Variants in TPP2 observed in about 807,000 individuals in gnomAD.
TPP2 encodes the protein tripeptidyl-peptidase 2.
In TPP2, 34 loss-of-function variants were observed where a neutral mutation model predicts 155.9. The observed-to-expected ratio is 0.22, with a 90% CI of 0.17 to 0.29. TPP2 has a LOEUF of 0.29. Among genes scored for constraint, TPP2 ranks in the 10% least tolerant of loss-of-function variants. TPP2 has a pLI of 1.00. For synonymous variants in TPP2, 510 were observed against 529.4 expected (o/e 0.96, Z 0.50); for missense variants, 1,028 against 1,522.3 (o/e 0.68, Z 5.40).
intron 16 of TPP2, among the ~76,000 whole-genome samples, chr13:102,640,945 C>T (rs572512379): frequency 1.3e-4 from 20 of 152,186 alleles, no homozygotes; most frequent in African/African-American, 4.8e-4. Context: ...CAACTGTGCC[C>T]GGCCTAATTT....
chr13:102,608,874 C>T (rs1287467914), intron 2 of TPP2, among the ~76,000 whole-genome samples: 1 of 152,076 alleles, frequency 6.6e-6, no homozygotes, highest in Non-Finnish European at 1.5e-5. Flanking sequence ...CCCTAGCTGT[C>T]TTATTTTAGC....
At chr13:102,643,506 C>A in intron 17 of TPP2, 130 bp downstream of exon 17, 1 of 941,584 alleles carries the variant, frequency 1.1e-6, no homozygotes, top group Non-Finnish European at 1.4e-6. Flanking sequence ...TTTTTAATGC[C>A]AAAAAAATGA....
At chr13:102,649,657 T>C (rs1883363189) in intron 23 of TPP2, among the ~76,000 whole-genome samples, 171 bp downstream of exon 23, 1 of 152,152 alleles carries the variant, frequency 6.6e-6, no homozygotes, top group Non-Finnish European at 1.5e-5. Context: ...AATATTTAGT[T>C]GTCTTTTAAA....
chr13:102,668,700 G>A (rs757812535), intron 27 of TPP2, among the ~76,000 whole-genome samples: 20 of 152,318 alleles, frequency 1.3e-4, no homozygotes, highest in African/African-American at 2.9e-4. Flanking sequence ...TCCCAATAGC[G>A]TGTAGCAGGT....
intron 24 of TPP2, among the ~76,000 whole-genome samples, chr13:102,653,874 T>G (rs904002755): frequency 6.6e-6 from 1 of 151,992 alleles, no homozygotes; most frequent in Non-Finnish European, 1.5e-5. Flanking sequence ...GCCCAAAGAG[T>G]AGTTATTGGT....
chr13:102,621,258 A>G (rs1881142383), intron 5 of TPP2, among the ~76,000 whole-genome samples: 1 of 152,192 alleles, frequency 6.6e-6, no homozygotes, highest in Admixed American at 6.5e-5. Flanking sequence ...GTTGTTAAGG[A>G]TGATGATTTC....
At chr13:102,677,355 G>C (rs996840316) in intron 29 of TPP2, among the ~76,000 whole-genome samples, 1 of 110,998 alleles carries the variant, frequency 9.0e-6, no homozygotes, top group Non-Finnish European at 1.7e-5. Context: ...TTCTTAACTT[G>C]TCTGCCCTCC....
At chr13:102,613,702 T>G (rs1311832838) in intron 2 of TPP2, among the ~76,000 whole-genome samples, 3 of 152,226 alleles carry the variant, frequency 2.0e-5, no homozygotes, top group African/African-American at 7.2e-5. Flanking sequence ...TAATTTGATT[T>G]CTCTGCTGCT....
At chr13:102,643,002 C>T (rs1882868056) in intron 16 of TPP2, among the ~76,000 whole-genome samples, 1 of 152,076 alleles carries the variant, frequency 6.6e-6, no homozygotes, top group Non-Finnish European at 1.5e-5. Flanking sequence ...ATACCAGTTT[C>T]TTTCGTTCCC....
chr13:102,643,475 A>G, intron 17 of TPP2, 99 bp downstream of exon 17: 1 of 1,178,514 alleles, frequency 8.5e-7, no homozygotes. Context: ...GTTTGTATTT[A>G]GCATGTTGGG....
chr13:102,605,400 A>G (rs906740635), intron 2 of TPP2, among the ~76,000 whole-genome samples: 1 of 152,230 alleles, frequency 6.6e-6, no homozygotes, highest in South Asian at 2.1e-4. Context: ...TATTGAGCTC[A>G]TTGGAAGTGA....
chr13:102,645,828 T>C (rs1883061845), intron 19 of TPP2, among the ~76,000 whole-genome samples: 2 of 152,320 alleles, frequency 1.3e-5, no homozygotes, highest in Non-Finnish European at 2.9e-5. Flanking sequence ...ACTAAAAATA[T>C]GAAATAACAT....
chr13:102,648,656 T>C (rs1303937477), intron 21 of TPP2, among the ~76,000 whole-genome samples: 1 of 152,116 alleles, frequency 6.6e-6, no homozygotes, highest in Non-Finnish European at 1.5e-5. Context: ...AAGTCAGACC[T>C]GACTTCAGCT....
rs77397297 is a variant in TPP2 at position 102,604,799 on chromosome 13, A to G, written c.172A>G (p.Thr58Ala). ...TAATTTTCTTAATTTTCAGGTTACA[A>G]CTGATGGAAAACCAAAAATCGTTGA... ...DPGAPGMQVT[T>A]DGKPKIVDII... Residue 58 changes from threonine (T) to alanine (A), a missense_variant, in exon 2 of 30, where the codon ACT (threonine) becomes GCT (alanine). Thr to Ala is a moderately conservative substitution (Grantham distance 58, BLOSUM62 0). This residue lies in a region of TPP2 where 300 missense variants were observed against 398.3 expected (regional missense o/e 0.75). Transcript: ENST00000376052. 3.1e-6 allele frequency: 5 copies of G among 1,610,310 alleles called. No individual in the cohort carries two copies. The East Asian group carries it at 1.1e-4, about 36-fold the overall frequency.
intron 23 of TPP2, among the ~76,000 whole-genome samples, chr13:102,650,051 A>T (rs1883381663): frequency 1.3e-5 from 2 of 152,136 alleles, no homozygotes; most frequent in South Asian, 4.1e-4. Context: ...TTTCAAAATG[A>T]TGCTTTTTTT....
At chr13:102,662,147 A>G (rs1476667861) in intron 25 of TPP2, among the ~76,000 whole-genome samples, 1 of 152,194 alleles carries the variant, frequency 6.6e-6, no homozygotes, top group Non-Finnish European at 1.5e-5. Context: ...AAGTGGTAGT[A>G]GCCAGTCACA....
At position 102,627,870 on chromosome 13, in the gene TPP2, A is replaced by T. The variant is rs1459810377; in HGVS notation, c.962A>T (p.Lys321Met). The change falls in exon 8 of 30, where the codon AAG becomes ATG. Residue 321 changes from lysine to methionine, a missense_variant. Coordinates refer to ENST00000376052, the MANE Select transcript of TPP2 (RefSeq NM_001330588.2). ...IRAMIEVINH[K>M]CDLVNYSYGE... ...TAGATGATAGAAGTTATAAATCATA[A>T]GTGTGATCTTGTCAACTACAGTTAC... The T allele has an allele frequency of 6.2e-7, 1 of 1,613,380 alleles. No individual in the cohort carries two copies. The highest frequency in any genetic ancestry group is 1.1e-5 in the South Asian group (1 of 91,000).
chr13:102,663,572 A>G, intron 25 of TPP2, 76 bp from the exon 26 acceptor site: 2 of 1,027,160 alleles, frequency 1.9e-6, no homozygotes, highest in East Asian at 2.9e-5. Flanking sequence ...CTTCCAAACA[A>G]TGTTAAATAA....
At chr13:102,613,914 T>C (rs1032771411) in intron 2 of TPP2, among the ~76,000 whole-genome samples, 187 bp from the exon 3 acceptor site, 37 of 152,184 alleles carry the variant, frequency 2.4e-4, no homozygotes, top group African/African-American at 8.7e-4. Context: ...TATTTATGGA[T>C]GAGAAAAAAG....
Sources: gnomAD v4.1 joint callset for allele counts (sites outside exome capture counted in the v4.1 genomes callset) on GRCh38, gnomAD v4.1.1 for gene constraint, gnomAD v4.1.1 regional missense constraint, MANE v1.5 for transcripts, NCBI Gene and HGNC (gene_info 2026-07-23, HGNC 2026-07-21) for gene names.